NRXN1: variants seen among roughly 807,000 people sequenced by gnomAD.
NRXN1 encodes neurexin-1.
Under a neutral mutation model 150.9 loss-of-function variants are expected in NRXN1, and 39 were observed. That is an observed-to-expected ratio of 0.26 (90% CI 0.20 to 0.34). The LOEUF is 0.34. NRXN1 is among the 10% of genes least tolerant of loss of function. NRXN1 has a pLI of 1.00. For missense variants in NRXN1, 1,815 were observed against 1,949.9 expected, an observed-to-expected ratio of 0.93 and a Z score of 1.30; for synonymous variants, 924 against 757.0, an observed-to-expected ratio of 1.22 and a Z score of -3.62.
intron 5 of NRXN1, among the ~76,000 whole-genome samples, chr2:50,908,490 G>A (rs1684058046): frequency 6.6e-6 from 1 of 151,932 alleles, no homozygotes; most frequent in Non-Finnish European, 1.5e-5. Context: ...CCCAGGGATA[G>A]TATAATTAAT....
intron 5 of NRXN1, among the ~76,000 whole-genome samples, chr2:50,714,543 G>T (rs933219935): frequency 3.3e-5 from 5 of 152,066 alleles, no homozygotes; most frequent in African/African-American, 1.2e-4. Context: ...CAGTATATGG[G>T]TGCATAAGGT....
At chr2:50,450,568 C>A (rs2086867675) in intron 17 of NRXN1, among the ~76,000 whole-genome samples, 1 of 152,262 alleles carries the variant, frequency 6.6e-6, no homozygotes, top group African/African-American at 2.4e-5. Flanking sequence ...CACATAGTAA[C>A]TGCTCAATTA....
intron 5 of NRXN1, among the ~76,000 whole-genome samples, chr2:50,859,918 T>A (rs938803975): frequency 6.6e-6 from 1 of 151,970 alleles, no homozygotes; most frequent in Non-Finnish European, 1.5e-5. Context: ...TGTATACATT[T>A]CTATGTTGTA....
chr2:50,280,989 ATTTTTATTAT>A (rs1222130656), intron 17 of NRXN1, among the ~76,000 whole-genome samples: 1 of 151,990 alleles, frequency 6.6e-6, no homozygotes, highest in Non-Finnish European at 1.5e-5. Context: ...GGAAAACTGT[ATTTTTATTAT>A]TTTTTATTAA....
At chr2:49,950,945 T>A (rs2104452961) in intron 21 of NRXN1, among the ~76,000 whole-genome samples, 1 of 152,070 alleles carries the variant, frequency 6.6e-6, no homozygotes, top group East Asian at 1.9e-4. Context: ...AAATCAGCTG[T>A]CTGCTTGGGA....
At chr2:50,759,418 T>C (rs1701535826) in intron 5 of NRXN1, among the ~76,000 whole-genome samples, 1 of 151,912 alleles carries the variant, frequency 6.6e-6, no homozygotes, top group Non-Finnish European at 1.5e-5. Context: ...CAGGTCAAGA[T>C]AACTAGCATA....
At chr2:50,351,761 C>G (rs1005078558) in intron 17 of NRXN1, among the ~76,000 whole-genome samples, 1 of 152,130 alleles carries the variant, frequency 6.6e-6, no homozygotes. Flanking sequence ...TGATCCCTAA[C>G]AGTTCTTAGT....
intron 17 of NRXN1, among the ~76,000 whole-genome samples, chr2:50,440,198 A>T (rs1048607784): frequency 1.3e-5 from 2 of 152,154 alleles, no homozygotes; most frequent in Non-Finnish European, 2.9e-5. Flanking sequence ...TACACTGGGC[A>T]TGAGGAGATA....
intron 5 of NRXN1, among the ~76,000 whole-genome samples, chr2:50,772,308 G>A (rs1386995161): frequency 6.6e-6 from 1 of 151,568 alleles, no homozygotes; most frequent in East Asian, 1.9e-4. Context: ...TATCTAGGAT[G>A]AGCTGCTGAT....
At chr2:50,580,743 G>C (rs1018252808) in intron 8 of NRXN1, among the ~76,000 whole-genome samples, 11 of 152,096 alleles carry the variant, frequency 7.2e-5, no homozygotes, top group Non-Finnish European at 1.2e-4. Context: ...TGGTTCAAGA[G>C]GGTATTGTTC....
At chr2:50,715,874 G>A (rs1255768763) in intron 5 of NRXN1, among the ~76,000 whole-genome samples, 4 of 151,976 alleles carry the variant, frequency 2.6e-5, no homozygotes, top group African/African-American at 4.8e-5. Context: ...AACTCTCAAC[G>A]CACTTCTTTT....
At chr2:50,663,412 G>T (rs972145905) in intron 5 of NRXN1, among the ~76,000 whole-genome samples, 7 of 151,870 alleles carry the variant, frequency 4.6e-5, no homozygotes, top group African/African-American at 1.7e-4. Context: ...TGTTCCCTCT[G>T]TTTTCAGTTT....
chr2:50,189,501 A>G (rs1373112409), intron 18 of NRXN1, among the ~76,000 whole-genome samples: 1 of 152,188 alleles, frequency 6.6e-6, no homozygotes, highest in East Asian at 1.9e-4. Flanking sequence ...GTATCCAAGA[A>G]CTTAAAGTAT....
intron 18 of NRXN1, among the ~76,000 whole-genome samples, chr2:50,186,238 G>T (rs561831684): frequency 6.6e-6 from 1 of 151,862 alleles, no homozygotes; most frequent in Non-Finnish European, 1.5e-5. Flanking sequence ...TGTATACTAC[G>T]CTCAACTAAC....
In NRXN1 at chr2:51,027,862, C is replaced by A. The variant is rs374644929; in HGVS notation, c.412G>T (p.Val138Leu). 9.9e-6 allele frequency: 16 copies of A among 1,612,942 alleles called. No homozygotes were observed. In the African/African-American group the frequency reaches 2.0e-4, roughly 20 times the overall value. Residue 138 changes from valine (V) to leucine (L), a missense_variant, in exon 2 of 23, where the codon GTG (valine) becomes TTG (leucine). Physicochemically the swap from Val to Leu is conservative, Grantham distance 32. Around this residue, in one of 6 missense-constraint regions of NRXN1, gnomAD observed 554 missense variants for 478.8 expected, o/e 1.16. Coordinates refer to ENST00000401669, the MANE Select transcript of NRXN1 (RefSeq NM_001330078.2). ...LFIDQVEAKW[V>L]EVKSKRRDMT... ...TCCCTGCGCTTGGACTTGACCTCCA[C>A]CCACTTGGCCTCCACCTGGTCGATG...
At chr2:50,555,809 C>T (rs1668153746) in intron 8 of NRXN1, among the ~76,000 whole-genome samples, 1 of 152,158 alleles carries the variant, frequency 6.6e-6, no homozygotes, top group East Asian at 1.9e-4. Flanking sequence ...AAAGCATAAA[C>T]TTATGTGCAT....
intron 5 of NRXN1, among the ~76,000 whole-genome samples, chr2:50,900,260 T>G (rs2103944892): frequency 6.6e-6 from 1 of 152,306 alleles, no homozygotes; most frequent in East Asian, 1.9e-4. Flanking sequence ...AAGTGCATAA[T>G]AGATCCCAAT....
chr2:50,311,680 A>T (rs1003267041), intron 17 of NRXN1, among the ~76,000 whole-genome samples: 1 of 152,114 alleles, frequency 6.6e-6, no homozygotes, highest in African/African-American at 2.4e-5. Flanking sequence ...TCACGTCTCA[A>T]ATTATAATAG....
intron 19 of NRXN1, among the ~76,000 whole-genome samples, chr2:50,055,751 T>G (rs1693499305): frequency 6.6e-6 from 1 of 152,178 alleles, no homozygotes; most frequent in Non-Finnish European, 1.5e-5. Context: ...AAGCTTAACA[T>G]GTTGAAGCAA....
Sources: allele counts gnomAD v4.1 joint callset (sites outside exome capture counted in the v4.1 genomes callset), GRCh38; gene constraint gnomAD v4.1.1; regional missense constraint gnomAD v4.1.1; transcripts MANE v1.5; gene names NCBI Gene and HGNC (gene_info 2026-07-23, HGNC 2026-07-21).